The following STAB2 variants were observed in gnomAD, a reference collection of about 807,000 sequenced individuals.
The protein encoded by STAB2 is stabilin-2.
A neutral mutation model predicts 338.1 loss-of-function variants in STAB2; 288 were observed. The observed-to-expected ratio is 0.85, with a 90% CI of 0.77 to 0.94. STAB2 has a LOEUF of 0.94. STAB2 is among the 40% of genes least tolerant of loss of function. STAB2 has a pLI of 0.00. For synonymous variants in STAB2, 1,202 were observed against 1,193.3 expected (o/e 1.01, Z -0.15); for missense variants, 3,141 against 3,210.1 (o/e 0.98, Z 0.52).
At chr12:103,751,013 T>C (rs1474311577) in intron 60 of STAB2, among the ~76,000 whole-genome samples, 2 of 152,134 alleles carry the variant, frequency 1.3e-5, no homozygotes, top group African/African-American at 4.8e-5. Flanking sequence ...AAAAGCCACA[T>C]AGAAGTGCAG....
At chr12:103,711,695 C>T (rs1242141849) in intron 40 of STAB2, among the ~76,000 whole-genome samples, 179 bp downstream of exon 40, 1 of 152,188 alleles carries the variant, frequency 6.6e-6, no homozygotes, top group Non-Finnish European at 1.5e-5. Context: ...TAGCCAGATC[C>T]AGGCTTTCTA....
intron 67 of STAB2, among the ~76,000 whole-genome samples, chr12:103,762,919 C>T (rs1884647602): frequency 1.3e-5 from 2 of 152,154 alleles, no homozygotes; most frequent in South Asian, 4.1e-4. Flanking sequence ...AAGAATATGG[C>T]CGGGGCAGCA....
At chr12:103,705,181 TAAC>T (rs1284764727) in intron 36 of STAB2, among the ~76,000 whole-genome samples, 5 of 152,258 alleles carry the variant, frequency 3.3e-5, no homozygotes, top group African/African-American at 9.6e-5. Context: ...TTTTAATCTA[TAAC>T]AACCATACAG....
rs185376066 is a variant in STAB2 at position 103,588,087 on chromosome 12, A to C, written c.81+530A>C. 9.8e-5 allele frequency among the ~76,000 whole-genome samples: 15 copies of C among 152,322 alleles called. No individual in the cohort carries two copies. The East Asian group carries it at 2.7e-3, about 27-fold the overall frequency. On this transcript the variant is annotated intron_variant, in intron 1 of 68. Coordinates refer to ENST00000388887, the MANE Select transcript of STAB2 (RefSeq NM_017564.10). Reference sequence around the variant, plus strand: ...TAGCCCCTATGAAGTACATCAGCACACCGAACCCTCAAGCAAGCTCACCGA... The same window carrying C: ...TAGCCCCTATGAAGTACATCAGCACCCCGAACCCTCAAGCAAGCTCACCGA...
chr12:103,668,826 G>A (rs1309847294), intron 20 of STAB2, 97 bp downstream of exon 20: 11 of 1,071,522 alleles, frequency 1.0e-5, no homozygotes, highest in South Asian at 6.6e-5. Context: ...GTCACAGGTG[G>A]CCCGTGCTTG....
chr12:103,599,886 G>T (rs1354908834), intron 3 of STAB2, among the ~76,000 whole-genome samples: 1 of 152,178 alleles, frequency 6.6e-6, no homozygotes, highest in Non-Finnish European at 1.5e-5. Flanking sequence ...ATTTCAGGGA[G>T]TGTTTACTGA....
intron 9 of STAB2, among the ~76,000 whole-genome samples, chr12:103,642,801 GC>G (rs1470819804): frequency 1.3e-5 from 2 of 152,308 alleles, no homozygotes; most frequent in Admixed American, 1.3e-4. Context: ...GCAATTTCCT[GC>G]CCAAACAGCT....
rs1446705914 is a variant in STAB2 at position 103,590,966 on chromosome 12, G to C, written c.151G>C (p.Gly51Arg). The change falls in exon 2 of 69, where the codon GGA becomes CGA. Residue 51 changes from glycine (G) to arginine (R), a missense_variant. By Grantham distance (125) the Gly-to-Arg change is moderately radical. Coordinates refer to ENST00000388887, the MANE Select transcript of STAB2 (RefSeq NM_017564.10). The stretch of plus-strand genomic sequence containing the variant: ...GTGCCGATCCTGCGCTCTCAACCTT[G>C]GAGTCAAGTGCCCGGATGGTTACAC... Reference protein sequence around the residue: ...TECRSCALNLGVKCPDGYTMI... With the variant: ...TECRSCALNLRVKCPDGYTMI... 1 of 1,614,024 alleles carries C rather than the reference G, an allele frequency of 6.2e-7. No individual in the cohort carries two copies. Among genetic ancestry groups the C allele is most frequent in the Admixed American group, 1.7e-5 (1 of 60,012 alleles).
chr12:103,691,212 A>G (rs547555242), intron 30 of STAB2, among the ~76,000 whole-genome samples: 1 of 152,358 alleles, frequency 6.6e-6, no homozygotes, highest in South Asian at 2.1e-4. Context: ...TGTGAATTGC[A>G]CAAGATGAGA....
At chr12:103,742,044 A>G (rs1305780428) in intron 55 of STAB2, among the ~76,000 whole-genome samples, 1 of 152,158 alleles carries the variant, frequency 6.6e-6, no homozygotes, top group Non-Finnish European at 1.5e-5. Context: ...GATCTTCACA[A>G]TAACAACATG....
chr12:103,618,927 C>G (rs1027889214), intron 3 of STAB2, among the ~76,000 whole-genome samples: 2 of 152,082 alleles, frequency 1.3e-5, no homozygotes, highest in African/African-American at 4.8e-5. Context: ...CCATGCTGTT[C>G]TCATGATTGT....
chr12:103,608,943 A>T (rs1957077168), intron 3 of STAB2, among the ~76,000 whole-genome samples: 1 of 152,228 alleles, frequency 6.6e-6, no homozygotes, highest in African/African-American at 2.4e-5. Flanking sequence ...TTAAATAGGA[A>T]ATCCTTTCCC....
intron 30 of STAB2, among the ~76,000 whole-genome samples, chr12:103,691,494 A>T (rs1432852069): frequency 6.6e-6 from 1 of 152,236 alleles, no homozygotes; most frequent in Admixed American, 6.5e-5. Context: ...TTTTAAATTA[A>T]AATTGTATGT....
intron 22 of STAB2, among the ~76,000 whole-genome samples, chr12:103,671,793 G>GA (rs1045052755): frequency 2.0e-5 from 3 of 152,114 alleles, no homozygotes; most frequent in Non-Finnish European, 4.4e-5. Context: ...AATAGGCATT[G>GA]AAAAAAATAA....
intron 51 of STAB2, among the ~76,000 whole-genome samples, chr12:103,734,142 A>G (rs1881891334): frequency 6.8e-6 from 1 of 146,460 alleles, no homozygotes; most frequent in Non-Finnish European, 1.5e-5. Flanking sequence ...GCATGATCAT[A>G]TGGGAGCATG....
Position 103,638,049 on chromosome 12 carries a change from C to G in STAB2, c.743C>G (p.Pro248Arg). The G allele has an allele frequency of 6.2e-7, 1 of 1,614,108 alleles. No homozygotes were observed. The change falls in exon 8 of 69, where the codon CCT becomes CGT. Residue 248 changes from proline to arginine, a missense_variant. Coordinates refer to ENST00000388887, the MANE Select transcript of STAB2 (RefSeq NM_017564.10). ...CCATGTTTACGAAAAATCTGCCACCCTCATGCTCATTGTACGTACCTGGGA... is the reference window on the plus strand; with the variant it reads ...CCATGTTTACGAAAAATCTGCCACCGTCATGCTCATTGTACGTACCTGGGA... ...INPCLRKICH[P>R]HAHCTYLGPN...
intron 61 of STAB2, among the ~76,000 whole-genome samples, chr12:103,754,067 T>C (rs1175615310): frequency 6.6e-6 from 1 of 152,124 alleles, no homozygotes; most frequent in Non-Finnish European, 1.5e-5. Flanking sequence ...GCAGAGGAGA[T>C]GAATGCCTAG....
chr12:103,748,838 C>T, intron 58 of STAB2, 125 bp from the exon 59 acceptor site: 2 of 971,446 alleles, frequency 2.1e-6, no homozygotes, highest in Non-Finnish European at 3.0e-6. Context: ...GAGAGAGAAG[C>T]ACGAACACGC....
intron 3 of STAB2, among the ~76,000 whole-genome samples, chr12:103,613,700 C>T (rs1957165666): frequency 6.6e-6 from 1 of 152,140 alleles, no homozygotes. Context: ...TGTCCTGCAC[C>T]CACTGTCTGA....
Sources: gnomAD v4.1 joint callset for allele counts (sites outside exome capture counted in the v4.1 genomes callset) on GRCh38, gnomAD v4.1.1 for gene constraint, MANE v1.5 for transcripts, NCBI Gene and HGNC (gene_info 2026-07-23, HGNC 2026-07-21) for gene names.